PCMT1: variants seen among roughly 807,000 people sequenced by gnomAD.
PCMT1 encodes the protein protein-L-isoaspartate (D-aspartate) O-methyltransferase.
In PCMT1, 9 loss-of-function variants were observed where a neutral mutation model predicts 29.2. The ratio of observed to expected loss-of-function variants is 0.31; its 90% CI spans 0.19 to 0.54. PCMT1 has a LOEUF of 0.54. PCMT1 is among the 20% of genes least tolerant of loss of function. PCMT1 has a pLI of 0.95. For synonymous variants in PCMT1, 98 were observed against 97.5 expected, an observed-to-expected ratio of 1.00 and a Z score of -0.03; for missense variants, 184 against 282.2, an observed-to-expected ratio of 0.65 and a Z score of 2.49.
At chr6:149,791,115 C>T (rs1256284765) in intron 4 of PCMT1, among the ~76,000 whole-genome samples, 1 of 152,150 alleles carries the variant, frequency 6.6e-6, no homozygotes, top group African/African-American at 2.4e-5. Context: ...CCCCACCGGG[C>T]CCTGGGACAT....
chr6:149,781,205 T>G (rs1787800161), intron 3 of PCMT1, among the ~76,000 whole-genome samples: 2 of 40,526 alleles, frequency 4.9e-5, no homozygotes, highest in Admixed American at 3.7e-4. Flanking sequence ...TTTTTTTTTG[T>G]TTTTTTTTTT....
At chr6:149,766,742 C>A (rs1787102449) in intron 1 of PCMT1, among the ~76,000 whole-genome samples, 1 of 152,288 alleles carries the variant, frequency 6.6e-6, no homozygotes, top group South Asian at 2.1e-4. Context: ...TAGAATGTTT[C>A]TTTCACCCAA....
In PCMT1 at chr6:149,749,760, C is replaced by A. The variant is rs1405388974; in HGVS notation, c.-142C>A. ...GAGCGCGCAGTGGCGGCAGCGGCGGCGACGGCAGTAACAGCGGCAGCTACA... is the reference window on the plus strand; with the variant it reads ...GAGCGCGCAGTGGCGGCAGCGGCGGAGACGGCAGTAACAGCGGCAGCTACA... On this transcript the variant is annotated 5_prime_UTR_variant, in exon 1 of 8. Coordinates refer to ENST00000464889, the MANE Select transcript of PCMT1 (RefSeq NM_001360452.2). The A allele has an allele frequency of 6.5e-7, 1 of 1,546,222 alleles. No homozygotes were observed. The highest frequency in any genetic ancestry group is 8.7e-7 in the Non-Finnish European group (1 of 1,144,540).
intron 1 of PCMT1, among the ~76,000 whole-genome samples, chr6:149,761,943 C>A (rs1234791475): frequency 6.6e-6 from 1 of 152,072 alleles, no homozygotes; most frequent in African/African-American, 2.4e-5. Flanking sequence ...TGAGTTTATT[C>A]CTTGCCCTTT....
chr6:149,770,202 C>G (rs1245362960), intron 1 of PCMT1, among the ~76,000 whole-genome samples: 3 of 152,176 alleles, frequency 2.0e-5, no homozygotes, highest in Non-Finnish European at 4.4e-5. Flanking sequence ...ATGTGTCCAG[C>G]TGACTACAGA....
At chr6:149,803,052 C>CAAAAAAAAAAAAAAAAAAAAAAAAAAA (rs60853264) in intron 7 of PCMT1, among the ~76,000 whole-genome samples, 1 of 70,570 alleles carries the variant, frequency 1.4e-5, no homozygotes, top group Non-Finnish European at 2.8e-5. Flanking sequence ...GGCTCTGTCT[C>CAAAAAAAAAAAAAAAAAAAAAAAAAAA]AAAAAAAAAA....
chr6:149,767,820 G>A (rs1787155982), intron 1 of PCMT1, among the ~76,000 whole-genome samples: 1 of 151,212 alleles, frequency 6.6e-6, no homozygotes, highest in Non-Finnish European at 1.5e-5. Flanking sequence ...TTGAGATGAC[G>A]TCTTGCTCTG....
chr6:149,791,740 A>G (rs1182097363), intron 4 of PCMT1, among the ~76,000 whole-genome samples: 1 of 152,164 alleles, frequency 6.6e-6, no homozygotes, highest in Non-Finnish European at 1.5e-5. Flanking sequence ...TCATTAATGG[A>G]TATCAGTGAT....
At chr6:149,798,019 T>G (rs1788684021) in intron 6 of PCMT1, 1 of 151,396 alleles carries the variant, frequency 6.6e-6, no homozygotes, top group South Asian at 2.1e-4. Context: ...TACAAAAAAT[T>G]AGATGTGGCA....
chr6:149,758,355 C>A lies in PCMT1; in HGVS notation c.55+8399C>A, dbSNP rs929424690. On this transcript the variant is annotated intron_variant, in intron 1 of 7. Transcript: ENST00000464889. ...CCTCCTGAGTAGCTAGGATTACAGG[C>A]ATATGCTACCACGCCTGGCTAATTT... 4.7e-5 allele frequency among the ~76,000 whole-genome samples: 7 copies of A among 149,780 alleles called. No homozygotes were observed. The East Asian group carries it at 1.4e-3, about 30-fold the overall frequency.
At chr6:149,787,655 G>T (rs994937094) in intron 3 of PCMT1, among the ~76,000 whole-genome samples, 4 of 152,090 alleles carry the variant, frequency 2.6e-5, no homozygotes, top group Non-Finnish European at 2.9e-5. Flanking sequence ...GAGCCACCAT[G>T]CCCGGCCCAA....
intron 6 of PCMT1, among the ~76,000 whole-genome samples, chr6:149,801,984 C>G (rs556132347): frequency 1.3e-5 from 2 of 152,074 alleles, no homozygotes; most frequent in East Asian, 3.9e-4. Context: ...CAAAAATTAG[C>G]TGGGCATGGT....
chr6:149,765,220 T>C (rs1323144904), intron 1 of PCMT1, among the ~76,000 whole-genome samples: 5 of 134,924 alleles, frequency 3.7e-5, no homozygotes, highest in East Asian at 2.3e-4. Context: ...ATTAGCCGGG[T>C]GTGGTGGCGG....
intron 1 of PCMT1, 199 bp downstream of exon 1, chr6:149,750,155 T>G: frequency 1.4e-6 from 1 of 727,248 alleles, no homozygotes; most frequent in East Asian, 2.8e-5. Flanking sequence ...CGACGTGGAC[T>G]GGAAGGGGAG....
rs575661915 is a variant in PCMT1 at position 149,794,486 on chromosome 6, C to T, written c.418+817C>T. ...TACAAAAATAAGCTGGGCGTGGTGGCGCACGCCTGTAGTCCTAGCTACTCG... is the reference window on the plus strand; with the variant it reads ...TACAAAAATAAGCTGGGCGTGGTGGTGCACGCCTGTAGTCCTAGCTACTCG... On this transcript the variant is annotated intron_variant, in intron 5 of 7. Coordinates refer to ENST00000464889, the MANE Select transcript of PCMT1 (RefSeq NM_001360452.2). 3.9e-5 allele frequency among the ~76,000 whole-genome samples: 6 copies of T among 152,160 alleles called. No individual in the cohort carries two copies. In the South Asian group the frequency reaches 1.0e-3, roughly 26 times the overall value.
At chr6:149,793,210 A>G (rs1788448645) in intron 4 of PCMT1, among the ~76,000 whole-genome samples, 1 of 152,006 alleles carries the variant, frequency 6.6e-6, no homozygotes, top group African/African-American at 2.4e-5. Flanking sequence ...TTTATGTAAC[A>G]TTTTAATATT....
chr6:149,777,600 C>T (rs1432840388), intron 3 of PCMT1, among the ~76,000 whole-genome samples: 1 of 152,080 alleles, frequency 6.6e-6, no homozygotes, highest in Non-Finnish European at 1.5e-5. Flanking sequence ...TTAGAATATT[C>T]TGTAATGTAT....
At chr6:149,755,615 A>G (rs949824486) in intron 1 of PCMT1, among the ~76,000 whole-genome samples, 1 of 152,114 alleles carries the variant, frequency 6.6e-6, no homozygotes. Flanking sequence ...CATTCCCCTA[A>G]TGATCAATTG....
At chr6:149,775,312 T>C (rs779180376) in intron 3 of PCMT1, among the ~76,000 whole-genome samples, 3 of 152,114 alleles carry the variant, frequency 2.0e-5, no homozygotes, top group Non-Finnish European at 4.4e-5. Flanking sequence ...TCTTGAAACA[T>C]GACAGAAAAC....
Sources: allele counts gnomAD v4.1 joint callset (sites outside exome capture counted in the v4.1 genomes callset), GRCh38; gene constraint gnomAD v4.1.1; transcripts MANE v1.5; gene names NCBI Gene and HGNC (gene_info 2026-07-23, HGNC 2026-07-21).